The following SRGAP2C variants were observed in gnomAD, a reference collection of about 807,000 sequenced individuals.
The protein encoded by SRGAP2C is SLIT-ROBO Rho GTPase-activating protein 2C.
In SRGAP2C, 15 loss-of-function variants were observed where a neutral mutation model predicts 25.1. The observed-to-expected ratio is 0.60, with a 90% CI of 0.40 to 0.92. The LOEUF (loss-of-function observed/expected upper bound fraction) is 0.92, where lower values mean the gene tolerates loss of function less well. Ranked by LOEUF, SRGAP2C falls within the 40% of genes least tolerant of loss-of-function variation. The pLI is 0.00. For missense variants in SRGAP2C, 144 were observed against 264.4 expected, an observed-to-expected ratio of 0.54 and a Z score of 3.16; for synonymous variants, 44 against 96.6, an observed-to-expected ratio of 0.46 and a Z score of 3.19.
intron 3 of SRGAP2C, among the ~76,000 whole-genome samples, chr1:121,296,318 T>C (rs1291166813): frequency 6.6e-6 from 1 of 150,658 alleles, no homozygotes; most frequent in East Asian, 2.0e-4. Context: ...AGTAAGAGTT[T>C]AGAAGAACAA....
chr1:121,375,469 A>T (rs1445044556), intron 7 of SRGAP2C, among the ~76,000 whole-genome samples: 2 of 151,070 alleles, frequency 1.3e-5, no homozygotes, highest in East Asian at 3.9e-4. Context: ...GACTACAGGC[A>T]TGCATTACCA....
At chr1:121,321,622 G>T (rs1374813885) in intron 3 of SRGAP2C, among the ~76,000 whole-genome samples, 1 of 145,866 alleles carries the variant, frequency 6.9e-6, no homozygotes, top group Non-Finnish European at 1.5e-5. Context: ...GGCCAGGCTG[G>T]TCTTGAACTC....
chr1:121,198,306 G>GT (rs1318423726), intron 2 of SRGAP2C, among the ~76,000 whole-genome samples: 1 of 148,048 alleles, frequency 6.8e-6, no homozygotes, highest in Non-Finnish European at 1.5e-5. Flanking sequence ...TTGTTTGTTT[G>GT]TTTTTCTTAA....
intron 5 of SRGAP2C, among the ~76,000 whole-genome samples, chr1:121,365,671 G>A (rs1659297396): frequency 1.1e-5 from 1 of 92,316 alleles, no homozygotes; most frequent in South Asian, 3.0e-4. Context: ...GCAAACCAGG[G>A]ACCCTGAACT....
chr1:121,239,751 A>G (rs1416140217), intron 2 of SRGAP2C, among the ~76,000 whole-genome samples: 3 of 152,088 alleles, frequency 2.0e-5, no homozygotes, highest in African/African-American at 7.2e-5. Context: ...ATTTTTATGA[A>G]TAAGCCATAT....
At chr1:121,334,492 G>T (rs1416224253) in intron 4 of SRGAP2C, among the ~76,000 whole-genome samples, 1 of 149,798 alleles carries the variant, frequency 6.7e-6, no homozygotes, top group East Asian at 2.0e-4. Context: ...AAGAGATGGA[G>T]TCTCTGTCCC....
In SRGAP2C at chr1:121,268,463, G is replaced by A. The variant is rs1373360872; in HGVS notation, c.68-16340G>A. On this transcript the variant is annotated intron_variant, in intron 2 of 9. Transcript: ENST00000367123. ...GAAGCCATTGAAAGATGATGAGCAG[G>A]GCTGCAGTGTGGAGAGTAGACTGCA... is the stretch of plus-strand genomic sequence containing the variant. Among the ~76,000 whole-genome samples the A allele has an allele frequency of 7.3e-5, 11 of 151,450 alleles. No individual in the cohort carries two copies. The Admixed American group carries it at 7.3e-4, about 10-fold the overall frequency.
chr1:121,302,267 G>A (rs1355980329), intron 3 of SRGAP2C, among the ~76,000 whole-genome samples: 2 of 151,630 alleles, frequency 1.3e-5, no homozygotes, highest in Admixed American at 1.3e-4. Context: ...CCAAAGGAGA[G>A]ATGGGAGAAA....
chr1:121,345,514 G>A (rs1235091445), intron 4 of SRGAP2C, among the ~76,000 whole-genome samples: 1 of 150,606 alleles, frequency 6.6e-6, no homozygotes, highest in African/African-American at 2.4e-5. Context: ...GAGCCATTTA[G>A]GCTATGTTTG....
At chr1:121,270,146 A>C (rs868956120) in intron 2 of SRGAP2C, among the ~76,000 whole-genome samples, 1 of 143,760 alleles carries the variant, frequency 7.0e-6, no homozygotes, top group African/African-American at 2.5e-5. Flanking sequence ...TGGGTGCTAC[A>C]TAGGCTGAGA....
At chr1:121,198,268 G>A (rs1268245036) in intron 2 of SRGAP2C, among the ~76,000 whole-genome samples, 3 of 145,508 alleles carry the variant, frequency 2.1e-5, no homozygotes, top group African/African-American at 7.7e-5. Flanking sequence ...TAGGAAGAAG[G>A]CATATTCTCT....
chr1:121,225,604 T>A (rs1420595722), intron 2 of SRGAP2C, among the ~76,000 whole-genome samples: 2 of 125,476 alleles, frequency 1.6e-5, no homozygotes, highest in Non-Finnish European at 3.3e-5. Flanking sequence ...CCACTGTTAC[T>A]GAATGATCTG....
At chr1:121,274,991 T>C (rs1438751612) in intron 2 of SRGAP2C, among the ~76,000 whole-genome samples, 3 of 151,258 alleles carry the variant, frequency 2.0e-5, no homozygotes, top group African/African-American at 7.3e-5. Flanking sequence ...TTGACTTTGC[T>C]TTGCTAACTA....
intron 2 of SRGAP2C, among the ~76,000 whole-genome samples, chr1:121,260,429 C>T (rs1213312564): frequency 6.6e-6 from 1 of 151,848 alleles, no homozygotes; most frequent in Non-Finnish European, 1.5e-5. Context: ...GGTGGAAGTA[C>T]TAGGAGATGA....
chr1:121,216,297 G>A (rs587598219), intron 2 of SRGAP2C, among the ~76,000 whole-genome samples: 26 of 152,180 alleles, frequency 1.7e-4, no homozygotes, highest in South Asian at 1.4e-3. Context: ...ACAGTCCACA[G>A]CAATGCTGTC....
At chr1:121,306,186 TG>T (rs1267445517) in intron 3 of SRGAP2C, among the ~76,000 whole-genome samples, 1 of 148,562 alleles carries the variant, frequency 6.7e-6, no homozygotes, top group Middle Eastern at 3.2e-3. Context: ...ACTTTATCAC[TG>T]GGGGGTGCAC....
intron 3 of SRGAP2C, among the ~76,000 whole-genome samples, chr1:121,314,411 C>T (rs1658045959): frequency 6.6e-6 from 1 of 152,128 alleles, no homozygotes; most frequent in African/African-American, 2.4e-5. Context: ...CGTCTGAAGC[C>T]TTCTTCTCTC....
intron 2 of SRGAP2C, among the ~76,000 whole-genome samples, chr1:121,223,930 G>T (rs1655600013): frequency 8.2e-6 from 1 of 121,450 alleles, no homozygotes; most frequent in Admixed American, 9.0e-5. Flanking sequence ...TTAATAGTCT[G>T]GTCTAAAATA....
intron 2 of SRGAP2C, among the ~76,000 whole-genome samples, chr1:121,244,191 G>T (rs1436301774): frequency 7.8e-6 from 1 of 128,316 alleles, no homozygotes; most frequent in African/African-American, 3.1e-5. Flanking sequence ...TCTAGAGAAA[G>T]TTCCAAACAT....
Sources: allele counts gnomAD v4.1 joint callset (sites outside exome capture counted in the v4.1 genomes callset), GRCh38; gene constraint gnomAD v4.1.1; transcripts MANE v1.5; gene names NCBI Gene and HGNC (gene_info 2026-07-23, HGNC 2026-07-21).